PTP4A1: variants seen among roughly 807,000 people sequenced by gnomAD.
PTP4A1 encodes the protein protein tyrosine phosphatase 4A1, also known as protein tyrosine phosphatase type IVA 1.
Under a neutral mutation model 20.5 loss-of-function variants are expected in PTP4A1, and 9 were observed. The ratio of observed to expected loss-of-function variants is 0.44; its 90% CI spans 0.26 to 0.77. PTP4A1 has a LOEUF of 0.77. Among genes scored for constraint, PTP4A1 ranks in the 30% least tolerant of loss-of-function variants. The pLI, the probability that PTP4A1 is intolerant of heterozygous loss-of-function variation, is 0.19. For synonymous variants in PTP4A1, 78 were observed against 67.4 expected (o/e 1.16, Z -0.77); for missense variants, 137 against 218.8 (o/e 0.63, Z 2.36).
upstream of PTP4A1, among the ~76,000 whole-genome samples, chr6:63,519,989 A>G (rs1318417255): frequency 6.6e-6 from 1 of 152,226 alleles, no homozygotes. Flanking sequence ...ATAAACCTGT[A>G]GACTGATTTA....
intron 3 of PTP4A1, among the ~76,000 whole-genome samples, chr6:63,560,000 G>A (rs1279056382): frequency 1.3e-5 from 2 of 152,066 alleles, no homozygotes; most frequent in Non-Finnish European, 2.9e-5. Context: ...GGAAGATCAC[G>A]GAATGGCCTC....
At chr6:63,563,911 T>C (rs901116720) in intron 3 of PTP4A1, among the ~76,000 whole-genome samples, 1 of 152,208 alleles carries the variant, frequency 6.6e-6, no homozygotes, top group African/African-American at 2.4e-5. Context: ...AGTAATATGA[T>C]AGTATGCAAA....
intron 2 of PTP4A1, among the ~76,000 whole-genome samples, chr6:63,544,999 G>A (rs1049742015): frequency 3.9e-5 from 6 of 151,956 alleles, no homozygotes; most frequent in Admixed American, 2.0e-4. Flanking sequence ...CTGATGATTC[G>A]ATCCCAAATT....
At chr6:63,532,346 A>C (rs186135363) in intron 2 of PTP4A1, among the ~76,000 whole-genome samples, 1 of 152,252 alleles carries the variant, frequency 6.6e-6, no homozygotes, top group East Asian at 1.9e-4. Flanking sequence ...GATTTTCCAC[A>C]GTTTAGCTTC....
chr6:63,559,037 G>A (rs1012621728), intron 3 of PTP4A1, among the ~76,000 whole-genome samples: 10 of 152,200 alleles, frequency 6.6e-5, no homozygotes, highest in Admixed American at 1.3e-4. Context: ...GTATGGAGGC[G>A]AGAAGGATAG....
At chr6:63,562,621 A>C (rs1170980309) in intron 3 of PTP4A1, among the ~76,000 whole-genome samples, 3 of 152,258 alleles carry the variant, frequency 2.0e-5, no homozygotes, top group African/African-American at 7.2e-5. Flanking sequence ...AAATTCAACA[A>C]AACAGTGCAA....
upstream of PTP4A1, among the ~76,000 whole-genome samples, chr6:63,517,234 T>C (rs1239281922): frequency 2.6e-5 from 4 of 152,134 alleles, no homozygotes; most frequent in African/African-American, 9.7e-5. Context: ...TTCAGACCAG[T>C]GGCATTAAAG....
rs1289006044 is a variant in PTP4A1 at position 63,560,415 on chromosome 6, T to C, written c.-446+9922T>C. 1.4e-3 allele frequency among the ~76,000 whole-genome samples: 218 copies of C among 151,452 alleles called. 2 individuals are homozygous for C. Among genetic ancestry groups the C allele is most frequent in the Non-Finnish European group, 7.4e-4 (50 of 67,806 alleles). On this transcript the variant is annotated intron_variant, in intron 3 of 3. Coordinates refer to the PTP4A1 transcript ENST00000639568. ...AAAACACAAAGCCTTTTTTTTTTTTTTCTTGAGACAGAGTCTCATTCTGTT... is the reference window on the plus strand; with the variant it reads ...AAAACACAAAGCCTTTTTTTTTTTTCTCTTGAGACAGAGTCTCATTCTGTT...
At chr6:63,550,656 C>T (rs750788501) in intron 3 of PTP4A1, among the ~76,000 whole-genome samples, 22 of 151,924 alleles carry the variant, frequency 1.4e-4, no homozygotes, top group Non-Finnish European at 3.1e-4. Context: ...ACAGGGTCTC[C>T]CTCTGTTGCC....
intron 2 of PTP4A1, among the ~76,000 whole-genome samples, chr6:63,540,536 G>T (rs71534831): frequency 6.6e-6 from 1 of 151,782 alleles, no homozygotes; most frequent in Non-Finnish European, 1.5e-5. Context: ...CATGAGAATC[G>T]CTTGAACCCA....
rs1209638521 is a variant in PTP4A1 at position 63,581,835 on chromosome 6, ATTAAT to A, written c.*1666_*1670del. On this transcript the variant is annotated 3_prime_UTR_variant, in exon 6 of 6. Transcript: ENST00000626021. The stretch of plus-strand genomic sequence containing the variant: ...ATTACATACCTTTATAGATTTTGAA[ATTAAT>A]TTAAATATTAGTATTTGGTACATGA... The A allele has an allele frequency of 1.3e-5, 2 of 152,298 alleles. No individual in the cohort carries two copies. Among genetic ancestry groups the A allele is most frequent in the Non-Finnish European group, 2.9e-5 (2 of 67,994 alleles). The allele number at this position is 152,298 out of a possible 1,614,324, so 9.4% of individuals were successfully genotyped here. A position where few individuals can be genotyped will look rare whatever the true frequency, so the allele number is the denominator to read the frequency against.
intron 2 of PTP4A1, among the ~76,000 whole-genome samples, chr6:63,537,839 G>A (rs1197893): frequency 0.012 from 1,888 of 152,286 alleles, 32 homozygotes; most frequent in African/African-American, 0.042. Context: ...CACCTCAACC[G>A]CCAAGAATCT....
intron 3 of PTP4A1, among the ~76,000 whole-genome samples, chr6:63,555,552 C>G (rs1776642653): frequency 6.6e-6 from 1 of 151,654 alleles, no homozygotes; most frequent in Non-Finnish European, 1.5e-5. Context: ...CACAAAAAAT[C>G]TCTGTGCCTA....
chr6:63,580,028 GT>G (rs1292046434), intron 5 of PTP4A1, 28 bp from the exon 6 acceptor site: 3 of 1,467,752 alleles, frequency 2.0e-6, no homozygotes, highest in Non-Finnish European at 2.8e-6. Flanking sequence ...CTTTTGCCTT[GT>G]TTCATTTTTT....
At chr6:63,537,163 G>C (rs1391698911) in intron 2 of PTP4A1, among the ~76,000 whole-genome samples, 1 of 152,256 alleles carries the variant, frequency 6.6e-6, no homozygotes, top group South Asian at 2.1e-4. Flanking sequence ...CCATTCTTAA[G>C]TTTACAAGTA....
chr6:63,553,139 C>T (rs1340827449), intron 3 of PTP4A1, among the ~76,000 whole-genome samples: 1 of 152,150 alleles, frequency 6.6e-6, no homozygotes, highest in African/African-American at 2.4e-5. Flanking sequence ...AGTTTTTCCT[C>T]CAAAGTATAC....
Position 63,580,265 on chromosome 6 carries a change from A to T in PTP4A1, c.*91A>T. The T allele has an allele frequency of 1.9e-6, 2 of 1,075,898 alleles. No homozygotes were observed. The highest frequency in any genetic ancestry group is 1.3e-5 in the South Asian group (1 of 76,032). The allele number at this position is 1,075,898 out of a possible 1,614,324, so 66.6% of individuals were successfully genotyped here. On this transcript the variant is annotated 3_prime_UTR_variant, in exon 6 of 6. Transcript: ENST00000626021. ...GCCAACATGTTGGCTTAGTAAGTCT[A>T]ATGAAGCTTCCATAGGAGTATTGAA... is the stretch of plus-strand genomic sequence containing the variant.
intron 2 of PTP4A1, among the ~76,000 whole-genome samples, chr6:63,531,999 C>T (rs1297565552): frequency 6.6e-6 from 1 of 152,112 alleles, no homozygotes; most frequent in Non-Finnish European, 1.5e-5. Context: ...CGGGGTTTCA[C>T]CATCTTGGTG....
At chr6:63,566,172 C>T (rs1777182184) in intron 3 of PTP4A1, among the ~76,000 whole-genome samples, 1 of 152,148 alleles carries the variant, frequency 6.6e-6, no homozygotes, top group South Asian at 2.1e-4. Flanking sequence ...AACAGAGTAC[C>T]CCAAACCATT....
Sources: gnomAD v4.1 joint callset for allele counts (sites outside exome capture counted in the v4.1 genomes callset) on GRCh38, gnomAD v4.1.1 for gene constraint, MANE v1.5 for transcripts, NCBI Gene and HGNC (gene_info 2026-07-23, HGNC 2026-07-21) for gene names.